SLC10A7: variants seen among roughly 807,000 people sequenced by gnomAD.
SLC10A7 encodes sodium/bile acid cotransporter 7.
SLC10A7 carries 29 observed loss-of-function variants against 43.2 expected under a neutral mutation model. The ratio of observed to expected loss-of-function variants is 0.67; its 90% CI spans 0.50 to 0.92. The LOEUF is 0.92. SLC10A7 is among the 40% of genes least tolerant of loss of function. The pLI is 0.00. For missense variants in SLC10A7, 295 were observed against 403.2 expected (o/e 0.73, Z 2.30); for synonymous variants, 152 against 144.8 (o/e 1.05, Z -0.35).
intron 4 of SLC10A7, among the ~76,000 whole-genome samples, chr4:146,472,453 T>C (rs1477577362): frequency 5.9e-5 from 9 of 151,392 alleles, no homozygotes; most frequent in Non-Finnish European, 8.8e-5. Context: ...TTTTTTTTTT[T>C]TCCTTTCAAG....
chr4:146,442,742 A>T (rs1730702684), intron 5 of SLC10A7, 41 bp downstream of exon 5: 2 of 1,597,042 alleles, frequency 1.3e-6, no homozygotes, highest in Admixed American at 3.6e-5. Flanking sequence ...ACAATATCAC[A>T]GCAAAAGTTG....
intron 5 of SLC10A7, among the ~76,000 whole-genome samples, chr4:146,361,213 C>A (rs1736028347): frequency 6.6e-6 from 1 of 152,164 alleles, no homozygotes; most frequent in Admixed American, 6.5e-5. Flanking sequence ...TGTTCTGTGG[C>A]ACTCATATAA....
At chr4:146,405,702 G>A (rs1727625586) in intron 5 of SLC10A7, among the ~76,000 whole-genome samples, 2 of 152,124 alleles carry the variant, frequency 1.3e-5, no homozygotes, top group South Asian at 2.1e-4. Flanking sequence ...AAGTCTAACT[G>A]GGTAGATGTA....
At chr4:146,322,839 C>T (rs1732823025) in intron 6 of SLC10A7, among the ~76,000 whole-genome samples, 1 of 152,188 alleles carries the variant, frequency 6.6e-6, no homozygotes, top group Admixed American at 6.5e-5. Flanking sequence ...ATCCCACCAA[C>T]AGTGTAAAAA....
chr4:146,393,191 C>CAAAAAA lies in SLC10A7; in HGVS notation c.435+49586_435+49591dup, dbSNP rs765135958. On this transcript the variant is annotated intron_variant, in intron 5 of 11. Transcript: ENST00000335472. ...TGGATGACAGAGCAAGGCCCTGTCTCAAAAAAAAAAAAAAAAAAAAAAAAA... is the reference window on the plus strand; with the variant it reads ...TGGATGACAGAGCAAGGCCCTGTCTCAAAAAAAAAAAAAAAAAAAAAAAAAAAAAAA... Among the ~76,000 whole-genome samples, 7 of 42,068 alleles carry CAAAAAA rather than the reference C, an allele frequency of 1.7e-4. 1 individual carries two copies. Among genetic ancestry groups the CAAAAAA allele is most frequent in the African/African-American group, 5.6e-4 (6 of 10,622 alleles). The allele number at this position is 42,068 out of a possible 152,430, so 27.6% of individuals were successfully genotyped here. A position where few individuals can be genotyped will look rare whatever the true frequency, so the allele number is the denominator to read the frequency against.
chr4:146,465,358 C>G (rs915497901), intron 4 of SLC10A7, among the ~76,000 whole-genome samples: 4 of 152,032 alleles, frequency 2.6e-5, no homozygotes, highest in African/African-American at 9.7e-5. Context: ...AAAACTTATT[C>G]CTAGGAAAAT....
intron 5 of SLC10A7, among the ~76,000 whole-genome samples, chr4:146,368,068 C>T (rs1032501780): frequency 6.6e-6 from 1 of 152,170 alleles, no homozygotes; most frequent in African/African-American, 2.4e-5. Flanking sequence ...CATTATAATG[C>T]AGCTCAGAAT....
rs531839020 is a variant in SLC10A7 at position 146,301,934 on chromosome 4, A to T, written c.555+3992T>A. On this transcript the variant is annotated intron_variant, in intron 7 of 11. Transcript: ENST00000335472. ...CTACCTATACTACCTTTTGACTACC[A>T]TTATTACTTTATAATTTACTGAATA... 2.6e-5 allele frequency among the ~76,000 whole-genome samples: 4 copies of T among 152,348 alleles called. No homozygotes were observed. The East Asian group carries it at 5.8e-4, about 22-fold the overall frequency.
At chr4:146,434,343 C>T (rs571920230) in intron 5 of SLC10A7, among the ~76,000 whole-genome samples, 2 of 152,212 alleles carry the variant, frequency 1.3e-5, no homozygotes, top group Admixed American at 6.5e-5. Flanking sequence ...ATTGTCCCCA[C>T]AAAGTAAATT....
rs752381573 is a variant in SLC10A7 at position 146,290,323 on chromosome 4, C to CAA, written c.773+2604_773+2605dup. ...TGGGCGATAGAGCAAGACTCCATCT[C>CAA]AAAAAAGAAAAAAAAAAAAAAAAAG... is the stretch of plus-strand genomic sequence containing the variant. On this transcript the variant is annotated intron_variant, in intron 9 of 11. Transcript: ENST00000335472. Among the ~76,000 whole-genome samples the CAA allele has an allele frequency of 3.0e-3, 126 of 42,176 alleles. 2 individuals are homozygous for CAA. The highest frequency in any genetic ancestry group is 6.7e-3 in the East Asian group (7 of 1,048). The allele number at this position is 42,176 out of a possible 152,430, so 27.7% of individuals were successfully genotyped here. A position where few individuals can be genotyped will look rare whatever the true frequency, so the allele number is the denominator to read the frequency against.
chr4:146,395,693 C>T (rs192375630), intron 5 of SLC10A7, among the ~76,000 whole-genome samples: 5 of 151,944 alleles, frequency 3.3e-5, no homozygotes, highest in Non-Finnish European at 4.4e-5. Context: ...TATGTAATAA[C>T]GTCAATGAAA....
At chr4:146,515,233 G>C in intron 2 of SLC10A7, 1 of 696,480 alleles carries the variant, frequency 1.4e-6, no homozygotes, top group Non-Finnish European at 2.6e-6. Flanking sequence ...AGCCACCAGG[G>C]GACATAGAGC....
At chr4:146,384,094 G>A (rs925662854) in intron 5 of SLC10A7, among the ~76,000 whole-genome samples, 2 of 152,070 alleles carry the variant, frequency 1.3e-5, no homozygotes, top group African/African-American at 4.8e-5. Flanking sequence ...TTTCCCACGT[G>A]AGCAGTGCCA....
intron 5 of SLC10A7, chr4:146,442,559 T>C: frequency 7.3e-7 from 1 of 1,372,714 alleles, no homozygotes; most frequent in Non-Finnish European, 9.4e-7. Flanking sequence ...CTTGAATTCA[T>C]TAAATGGAAT....
chr4:146,343,032 C>A (rs1264498753), intron 5 of SLC10A7, among the ~76,000 whole-genome samples: 1 of 151,830 alleles, frequency 6.6e-6, no homozygotes, highest in African/African-American at 2.4e-5. Context: ...ATTAAAAAAT[C>A]TTTATATAAT....
chr4:146,368,265 C>A (rs1347421753), intron 5 of SLC10A7, among the ~76,000 whole-genome samples: 2 of 152,172 alleles, frequency 1.3e-5, no homozygotes, highest in Non-Finnish European at 2.9e-5. Flanking sequence ...GAGAAATCAA[C>A]CCTTTCAGTC....
At chr4:146,291,468 T>C (rs1730438898) in intron 9 of SLC10A7, among the ~76,000 whole-genome samples, 2 of 152,198 alleles carry the variant, frequency 1.3e-5, no homozygotes. Flanking sequence ...GCCTGCACCA[T>C]CCACTGCTCT....
At chr4:146,413,541 T>G (rs1416122585) in intron 5 of SLC10A7, among the ~76,000 whole-genome samples, 1 of 152,220 alleles carries the variant, frequency 6.6e-6, no homozygotes, top group African/African-American at 2.4e-5. Flanking sequence ...CTACAGGTTC[T>G]TATTCCTAAT....
intron 5 of SLC10A7, among the ~76,000 whole-genome samples, chr4:146,329,344 G>A (rs559605146): frequency 1.3e-5 from 2 of 152,224 alleles, no homozygotes; most frequent in East Asian, 3.9e-4. Flanking sequence ...TTTTAGTAAA[G>A]TCATCATGAT....
Sources: gnomAD v4.1 joint callset for allele counts (sites outside exome capture counted in the v4.1 genomes callset) on GRCh38, gnomAD v4.1.1 for gene constraint, MANE v1.5 for transcripts, NCBI Gene and HGNC (gene_info 2026-07-23, HGNC 2026-07-21) for gene names.